DLGAP1: variants seen among roughly 807,000 people sequenced by gnomAD.
DLGAP1 encodes the protein disks large-associated protein 1.
In DLGAP1, 11 loss-of-function variants were observed where a neutral mutation model predicts 90.8. The ratio of observed to expected loss-of-function variants is 0.12; its 90% CI spans 0.08 to 0.20. The LOEUF (loss-of-function observed/expected upper bound fraction) is 0.20. Ranked by LOEUF, DLGAP1 falls within the 10% of genes least tolerant of loss-of-function variation. DLGAP1 has a pLI of 1.00. For missense variants in DLGAP1, 1,050 were observed against 1,333.8 expected, an observed-to-expected ratio of 0.79 and a Z score of 3.31; for synonymous variants, 558 against 540.7, an observed-to-expected ratio of 1.03 and a Z score of -0.44.
intron 4 of DLGAP1, among the ~76,000 whole-genome samples, chr18:3,878,596 C>G (rs935631960): frequency 2.6e-5 from 4 of 152,168 alleles, no homozygotes; most frequent in African/African-American, 9.7e-5. Context: ...GATGTGGAAG[C>G]TCAGGTCGGG....
intron 7 of DLGAP1, among the ~76,000 whole-genome samples, chr18:3,700,281 C>T (rs934269281): frequency 9.9e-5 from 15 of 152,156 alleles, no homozygotes; most frequent in Admixed American, 3.9e-4. Flanking sequence ...TCCTGGTTTG[C>T]GGGCTGTGAA....
intron 2 of DLGAP1, among the ~76,000 whole-genome samples, chr18:4,105,199 G>C (rs988226162): frequency 6.6e-6 from 1 of 152,168 alleles, no homozygotes; most frequent in Admixed American, 6.5e-5. Flanking sequence ...AAAGCAAGAC[G>C]AGCAGTCAGG....
At chr18:3,945,288 G>A (rs1287661884) in intron 3 of DLGAP1, among the ~76,000 whole-genome samples, 2 of 152,188 alleles carry the variant, frequency 1.3e-5, no homozygotes, top group Non-Finnish European at 2.9e-5. Flanking sequence ...GTGCCTAATA[G>A]TTTGCTTTAG....
chr18:3,936,524 A>G (rs2072644679), intron 3 of DLGAP1, among the ~76,000 whole-genome samples: 1 of 152,186 alleles, frequency 6.6e-6, no homozygotes. Context: ...AAGTGCCTCC[A>G]TAATTCCATA....
intron 7 of DLGAP1, among the ~76,000 whole-genome samples, chr18:3,666,396 GTTCTT>G (rs2059884866): frequency 6.6e-6 from 1 of 152,120 alleles, no homozygotes; most frequent in South Asian, 2.1e-4. Flanking sequence ...TCCTGCCAAT[GTTCTT>G]AGTCAAAGCC....
At chr18:3,846,043 G>GT (rs2068990939) in intron 4 of DLGAP1, among the ~76,000 whole-genome samples, 2 of 145,024 alleles carry the variant, frequency 1.4e-5, no homozygotes, top group Non-Finnish European at 3.0e-5. Flanking sequence ...TTGAAAGTGT[G>GT]GTGTGTGTGT....
At chr18:3,628,949 C>T (rs1162293955) in intron 7 of DLGAP1, among the ~76,000 whole-genome samples, 3 of 152,074 alleles carry the variant, frequency 2.0e-5, no homozygotes, top group Non-Finnish European at 4.4e-5. Flanking sequence ...ATATTCCTGT[C>T]CTGTATTTGG....
intron 7 of DLGAP1, among the ~76,000 whole-genome samples, chr18:3,681,988 C>T (rs189039248): frequency 2.2e-3 from 337 of 151,880 alleles, no homozygotes; most frequent in Non-Finnish European, 3.1e-3. Context: ...TATGGTGGCA[C>T]ATGCCTGTAA....
rs1019857209 is a variant in DLGAP1, at chr18:3,832,829, T to C, written c.958-18556A>G. On this transcript the variant is annotated intron_variant, in intron 4 of 12. Coordinates refer to ENST00000315677, the MANE Select transcript of DLGAP1 (RefSeq NM_004746.4). The stretch of plus-strand genomic sequence containing the variant: ...GGGGCAAGAAGGCCCTTGTGGGGGA[T>C]GCAGGGGTGGAAAACGGGAGGCAGC... Among the ~76,000 whole-genome samples the C allele has an allele frequency of 2.0e-5, 3 of 152,232 alleles. No individual in the cohort carries two copies. The East Asian group carries it at 5.8e-4, about 30-fold the overall frequency.
chr18:4,376,051 A>C (rs532558706), intron 1 of DLGAP1, among the ~76,000 whole-genome samples: 1 of 152,302 alleles, frequency 6.6e-6, no homozygotes, highest in South Asian at 2.1e-4. Context: ...TACAAGGAGA[A>C]GAACCTTTCA....
intron 1 of DLGAP1, among the ~76,000 whole-genome samples, chr18:4,267,931 A>C (rs1414674010): frequency 6.6e-6 from 1 of 152,210 alleles, no homozygotes; most frequent in Non-Finnish European, 1.5e-5. Flanking sequence ...TTTACAACCA[A>C]ATCTTGGAAG....
intron 9 of DLGAP1, among the ~76,000 whole-genome samples, chr18:3,545,225 G>A (rs76246374): frequency 6.6e-6 from 1 of 151,742 alleles, no homozygotes; most frequent in African/African-American, 2.4e-5. Flanking sequence ...AGTGAGCCGA[G>A]ATCACGCCAC....
chr18:3,856,983 A>G (rs2069687470), intron 4 of DLGAP1, among the ~76,000 whole-genome samples: 1 of 152,150 alleles, frequency 6.6e-6, no homozygotes, highest in Non-Finnish European at 1.5e-5. Context: ...AATATAAAGA[A>G]ATACAGCTGA....
chr18:3,821,172 C>T (rs1200305969), intron 4 of DLGAP1, among the ~76,000 whole-genome samples: 1 of 151,164 alleles, frequency 6.6e-6, no homozygotes, highest in Non-Finnish European at 1.5e-5. Context: ...TGCCTATAGT[C>T]CTAGCTATTT....
intron 3 of DLGAP1, among the ~76,000 whole-genome samples, chr18:3,897,842 C>A (rs533119922): frequency 7.5e-6 from 1 of 132,500 alleles, no homozygotes; most frequent in Non-Finnish European, 1.5e-5. Context: ...GGCCGGACTG[C>A]GGACTGCAGT....
chr18:3,635,224 G>T (rs1008560767), intron 7 of DLGAP1, among the ~76,000 whole-genome samples: 1 of 151,240 alleles, frequency 6.6e-6, no homozygotes. Flanking sequence ...TCCGCCTCCC[G>T]GGTTCACGCC....
At chr18:3,970,237 CAG>C (rs1459052228) in intron 3 of DLGAP1, among the ~76,000 whole-genome samples, 1 of 152,104 alleles carries the variant, frequency 6.6e-6, no homozygotes, top group African/African-American at 2.4e-5. Context: ...GCTAAATAAT[CAG>C]AGTTTTAGTT....
At chr18:4,279,918 ACCAAAAATCTGATTTATTC>A (rs2079510810) in intron 1 of DLGAP1, among the ~76,000 whole-genome samples, 1 of 152,190 alleles carries the variant, frequency 6.6e-6, no homozygotes, top group Non-Finnish European at 1.5e-5. Context: ...CTGTTTTTGA[ACCAAAAATCTGATTTATTC>A]GTTAAACAGT....
At chr18:3,571,588 C>T (rs149950886) in intron 8 of DLGAP1, 2,388 of 152,242 alleles carry the variant, frequency 0.016, 36 homozygotes, top group Non-Finnish European at 0.024. Context: ...AGTGCAGTGG[C>T]GCAGTCTCGG....
Sources: gnomAD v4.1 joint callset for allele counts (sites outside exome capture counted in the v4.1 genomes callset) on GRCh38, gnomAD v4.1.1 for gene constraint, MANE v1.5 for transcripts, NCBI Gene and HGNC (gene_info 2026-07-23, HGNC 2026-07-21) for gene names.